PRDM11: variants seen among roughly 807,000 people sequenced by gnomAD.
PRDM11 encodes the protein PR/SET domain 11, also known as PR domain-containing protein 11.
Under a neutral mutation model 97.8 loss-of-function variants are expected in PRDM11, and 20 were observed. The observed-to-expected ratio is 0.20, with a 90% CI of 0.14 to 0.30. The LOEUF (loss-of-function observed/expected upper bound fraction) is 0.30. Among genes scored for constraint, PRDM11 ranks in the 10% least tolerant of loss-of-function variants. The probability of loss-of-function intolerance (pLI) is 1.00; values close to 1 mark genes in which losing one functional copy is unlikely to be tolerated. For missense variants in PRDM11, 1,139 were observed against 1,555.2 expected (o/e 0.73, Z 4.50); for synonymous variants, 599 against 637.7 (o/e 0.94, Z 0.91).
At chr11:45,101,564 A>AGAAGAAGAAGAAGAAGAAGAAGAAGAAG (rs1554963199) in intron 1 of PRDM11, among the ~76,000 whole-genome samples, 1 of 108,546 alleles carries the variant, frequency 9.2e-6, no homozygotes, top group African/African-American at 5.1e-5. Context: ...TCAAAAAAAA[A>AGAAGAAGAAGAAGAAGAAGAAGAAGAAG]AAAAAGAAGA....
At position 45,224,585 on chromosome 11, in the gene PRDM11, G is replaced by A; in HGVS notation, c.1111G>A (p.Val371Ile). ...GEGDWKVPQG[V>I]SKEPGQLEDE... ...GGGGGACTGGAAGGTCCCCCAGGGG[G>A]TCTCCAAGGAGCCAGGCCAATTGGA... Residue 371 changes from valine to isoleucine, a missense_variant, in exon 7 of 8, where the codon GTC becomes ATC. Transcript: ENST00000683152. The A allele has an allele frequency of 6.2e-7, 1 of 1,614,088 alleles. No homozygotes were observed. Among genetic ancestry groups the A allele is most frequent in the Non-Finnish European group, 8.5e-7 (1 of 1,180,004 alleles).
chr11:45,141,520 A>G (rs553359455), intron 1 of PRDM11, among the ~76,000 whole-genome samples: 2 of 152,350 alleles, frequency 1.3e-5, no homozygotes, highest in African/African-American at 4.8e-5. Context: ...GAAAAGGAAC[A>G]CAGTGAAAGG....
At chr11:45,113,835 T>G (rs7106516) in intron 1 of PRDM11, among the ~76,000 whole-genome samples, 2,943 of 150,540 alleles carry the variant, frequency 0.02, 125 homozygotes, top group African/African-American at 0.068. Context: ...TTTTGTTTTT[T>G]TTTTTTTTTA....
intron 4 of PRDM11, among the ~76,000 whole-genome samples, chr11:45,203,106 G>A (rs1205812883): frequency 1.3e-5 from 2 of 152,184 alleles, no homozygotes; most frequent in Admixed American, 6.5e-5. Flanking sequence ...TGAAGAGAAC[G>A]ATGGAGGCTT....
At position 45,113,788 on chromosome 11, in the gene PRDM11, T is replaced by TTGTGTG. The variant is rs142584346; in HGVS notation, c.96+17919_96+17924dup. Among the ~76,000 whole-genome samples the TTGTGTG allele has an allele frequency of 2.3e-3, 310 of 137,212 alleles. 1 individual carries two copies. The highest frequency in any genetic ancestry group is 7.2e-3 in the African/African-American group (264 of 36,896). 90.0% of individuals were successfully genotyped at this position (137,212 alleles called of 152,430 possible). ...GTTGGTGTATAAGAGTGCTACTGAT[T>TTGTGTG]TGTGTGTGTGTGTGTGTGTGTGTGT... On this transcript the variant is annotated intron_variant, in intron 1 of 6. Transcript: ENST00000530656.
intron 1 of PRDM11, among the ~76,000 whole-genome samples, chr11:45,127,499 T>C (rs1320486007): frequency 1.3e-5 from 2 of 152,248 alleles, no homozygotes; most frequent in Non-Finnish European, 2.9e-5. Flanking sequence ...GATGGTGATG[T>C]ACAGATGGGT....
chr11:45,226,782 G>T lies in PRDM11; in HGVS notation c.2157G>T (p.Arg719=). The T allele has an allele frequency of 1.3e-6, 2 of 1,533,974 alleles. No individual in the cohort carries two copies. Among genetic ancestry groups the T allele is most frequent in the Admixed American group, 2.0e-5 (1 of 51,000 alleles). The change falls in exon 8 of 8, where the codon CGG becomes CGT. Residue 719 remains arginine (R), a synonymous_variant. Coordinates refer to ENST00000683152, the MANE Select transcript of PRDM11 (RefSeq NM_001384648.1). Reference sequence around the variant, plus strand: ...GGGCCTTCTCGGCCTTGGGCATCCGGTTGCAGGATGAAAAGCCAACTGTTG... The same window carrying T: ...GGGCCTTCTCGGCCTTGGGCATCCGTTTGCAGGATGAAAAGCCAACTGTTG... ...LDRAFSALGI[R]LQDEKPTVGL...
chr11:45,169,814 C>G (rs551196038), intron 1 of PRDM11, among the ~76,000 whole-genome samples: 89 of 152,318 alleles, frequency 5.8e-4, no homozygotes, highest in Non-Finnish European at 6.5e-4. Context: ...TTTCTGCTGT[C>G]TCTCCCATGA....
At position 45,228,711 on chromosome 11, in the gene PRDM11, G is replaced by C. The variant is rs1854337587; in HGVS notation, c.*552G>C. Reference sequence around the variant, plus strand: ...TGGGTTGTCTGTCTGCATTTGGGAGGCAGGGGGGTTGACCTTTCTCCCTCC... The same window carrying C: ...TGGGTTGTCTGTCTGCATTTGGGAGCCAGGGGGGTTGACCTTTCTCCCTCC... On this transcript the variant is annotated 3_prime_UTR_variant, in exon 8 of 8. Transcript: ENST00000683152. 1 of 152,068 alleles carries C rather than the reference G, an allele frequency of 6.6e-6. No homozygotes were observed. The highest frequency in any genetic ancestry group is 1.5e-5 in the Non-Finnish European group (1 of 68,026). 9.4% of individuals were successfully genotyped at this position (152,068 alleles called of 1,614,324 possible). A position where few individuals can be genotyped will look rare whatever the true frequency, so the allele number is the denominator to read the frequency against.
chr11:45,188,336 G>A (rs1468593754), intron 4 of PRDM11, among the ~76,000 whole-genome samples: 1 of 152,228 alleles, frequency 6.6e-6, no homozygotes, highest in Non-Finnish European at 1.5e-5. Flanking sequence ...TGGAGAGGAT[G>A]AGTCATTCTG....
Position 45,219,530 on chromosome 11 carries a change from G to C in PRDM11, c.555-40G>C. 1 of 1,563,480 alleles carries C rather than the reference G, an allele frequency of 6.4e-7. No homozygotes were observed. The highest frequency in any genetic ancestry group is 8.8e-7 in the Non-Finnish European group (1 of 1,141,622). On this transcript the variant is annotated intron_variant, in intron 5 of 7. Transcript: ENST00000683152. This position sits in a 1 kb window ranked among gnomAD's most constrained non-coding sequence, Gnocchi z 4.2. ...CGGCACCAGCGGGCACTCAACAAAGGGTGGCCCGTGCGTTCTCACCTGTCT... is the reference window on the plus strand; with the variant it reads ...CGGCACCAGCGGGCACTCAACAAAGCGTGGCCCGTGCGTTCTCACCTGTCT...
upstream of PRDM11, among the ~76,000 whole-genome samples, chr11:45,094,656 AAAG>A (rs1175094149): frequency 1.4e-5 from 2 of 140,720 alleles, no homozygotes; most frequent in Admixed American, 7.0e-5. Context: ...GGGAGGGAGG[AAAG>A]AAGGAAGGAA....
At chr11:45,171,108 G>GT (rs961646788) in intron 1 of PRDM11, among the ~76,000 whole-genome samples, 92 of 150,158 alleles carry the variant, frequency 6.1e-4, no homozygotes, top group African/African-American at 1.1e-3. Context: ...TTGTTGTTTT[G>GT]TTTTTTTTTG....
At chr11:45,107,375 G>T (rs1055744853) in intron 1 of PRDM11, among the ~76,000 whole-genome samples, 1 of 152,230 alleles carries the variant, frequency 6.6e-6, no homozygotes, top group African/African-American at 2.4e-5. Context: ...TCAGGGGCAA[G>T]TTCTAAATCA....
At chr11:45,208,036 C>T (rs1853578246) in intron 5 of PRDM11, among the ~76,000 whole-genome samples, 1 of 152,200 alleles carries the variant, frequency 6.6e-6, no homozygotes, top group Admixed American at 6.5e-5. Context: ...AAGGGCCATG[C>T]TGTGCCCCTT....
chr11:45,210,872 G>A (rs1036029962), intron 5 of PRDM11, among the ~76,000 whole-genome samples: 8 of 152,156 alleles, frequency 5.3e-5, no homozygotes, highest in South Asian at 2.1e-4. Context: ...ATTCCACCCC[G>A]TGATAAGAAA....
chr11:45,198,432 G>A (rs1349354014), intron 4 of PRDM11, among the ~76,000 whole-genome samples: 7 of 152,186 alleles, frequency 4.6e-5, no homozygotes, highest in African/African-American at 1.7e-4. Context: ...ATGCCAAAGT[G>A]CTTCATCAAC....
At chr11:45,185,134 G>A (rs1235867133) in intron 4 of PRDM11, among the ~76,000 whole-genome samples, 6 of 152,156 alleles carry the variant, frequency 3.9e-5, no homozygotes, top group Admixed American at 2.6e-4. Flanking sequence ...TTACTACCAG[G>A]GATGCCATGG....
chr11:45,117,783 A>G (rs907811242), intron 1 of PRDM11, among the ~76,000 whole-genome samples: 11 of 152,174 alleles, frequency 7.2e-5, no homozygotes, highest in African/African-American at 2.7e-4. Context: ...GGAGGAGCAC[A>G]GCTCCCCACT....
Sources: gnomAD v4.1 joint callset for allele counts (sites outside exome capture counted in the v4.1 genomes callset) on GRCh38, gnomAD v4.1.1 for gene constraint, Gnocchi (gnomAD v3.1) non-coding constraint, MANE v1.5 for transcripts, NCBI Gene and HGNC (gene_info 2026-07-23, HGNC 2026-07-21) for gene names.